The following GIGYF2 variants were observed in gnomAD, a reference collection of about 807,000 sequenced individuals.
GIGYF2 encodes GRB10-interacting GYF protein 2.
A neutral mutation model predicts 208.1 loss-of-function variants in GIGYF2; 25 were observed. The observed-to-expected ratio is 0.12, with a 90% CI of 0.09 to 0.17. GIGYF2 has a LOEUF of 0.17. Ranked by LOEUF, GIGYF2 falls within the 10% of genes least tolerant of loss-of-function variation. The probability of loss-of-function intolerance (pLI) is 1.00; values close to 1 mark genes in which losing one functional copy is unlikely to be tolerated. For synonymous variants in GIGYF2, 534 were observed against 543.8 expected, an observed-to-expected ratio of 0.98 and a Z score of 0.25; for missense variants, 1,302 against 1,579.4, an observed-to-expected ratio of 0.82 and a Z score of 2.98.
chr2:232,716,703 T>G (rs1263768590), intron 2 of GIGYF2, among the ~76,000 whole-genome samples: 1 of 152,094 alleles, frequency 6.6e-6, no homozygotes, highest in Non-Finnish European at 1.5e-5. Flanking sequence ...TTGTTTTGTT[T>G]TGTTTTTTCT....
chr2:232,817,113 A>G (rs1700939516), intron 20 of GIGYF2, 81 bp downstream of exon 20: 1 of 1,036,734 alleles, frequency 9.6e-7, no homozygotes, highest in Admixed American at 1.7e-5. Flanking sequence ...TTTCACAGAT[A>G]CTCCTGAAGT....
intron 8 of GIGYF2, among the ~76,000 whole-genome samples, chr2:232,780,783 A>G (rs1362133271): frequency 6.6e-6 from 1 of 152,342 alleles, no homozygotes; most frequent in East Asian, 1.9e-4. Flanking sequence ...CTGACGTTAC[A>G]GAAGGAGGAA....
At chr2:232,772,016 G>T (rs1699278462) in intron 8 of GIGYF2, among the ~76,000 whole-genome samples, 2 of 152,136 alleles carry the variant, frequency 1.3e-5, no homozygotes, top group Admixed American at 6.5e-5. Context: ...ACAGGGTCTT[G>T]CTCTGTCTCC....
chr2:232,708,759 G>T (rs7578299), intron 2 of GIGYF2, among the ~76,000 whole-genome samples: 48,539 of 150,808 alleles, frequency 0.32, 8,179 homozygotes, highest in South Asian at 0.63. Context: ...CTGCCTCCCA[G>T]GCTCAAGTGA....
intron 8 of GIGYF2, among the ~76,000 whole-genome samples, chr2:232,783,504 A>C (rs1307756789): frequency 6.6e-6 from 1 of 152,146 alleles, no homozygotes; most frequent in Non-Finnish European, 1.5e-5. Flanking sequence ...GTGGAGAATG[A>C]AGTAGCCTGA....
chr2:232,836,024 A>G (rs1701578244), intron 22 of GIGYF2, among the ~76,000 whole-genome samples: 1 of 151,676 alleles, frequency 6.6e-6, no homozygotes, highest in Admixed American at 6.6e-5. Context: ...TGGAACAGAA[A>G]ACAGATGCCA....
chr2:232,777,613 TC>T lies in GIGYF2; in HGVS notation c.533-9528del, dbSNP rs3214757. ...ATCCGCCTTTGTAGAATCCTCTCCG[TC>T]CCCCCCCCGCCCCACAATTTAAAAA... On this transcript the variant is annotated intron_variant, in intron 8 of 28. Transcript: ENST00000373563. Among the ~76,000 whole-genome samples, 366 of 131,676 alleles carry T rather than the reference TC, an allele frequency of 2.8e-3. 3 individuals carry two copies. Among genetic ancestry groups the T allele is most frequent in the African/African-American group, 8.3e-3 (288 of 34,492 alleles). 86.4% of individuals were successfully genotyped at this position (131,676 alleles called of 152,430 possible).
At chr2:232,802,317 C>T (rs1022317266) in intron 14 of GIGYF2, among the ~76,000 whole-genome samples, 2 of 151,882 alleles carry the variant, frequency 1.3e-5, no homozygotes, top group Admixed American at 1.3e-4. Context: ...AAGTGGGCGT[C>T]CTTCGCTATC....
chr2:232,843,126 G>A (rs1054400149), intron 23 of GIGYF2: 32 of 139,224 alleles, frequency 2.3e-4, no homozygotes, highest in African/African-American at 8.6e-4. Flanking sequence ...GTCCTCATGT[G>A]TTTATGCTGT....
At chr2:232,820,040 T>G in intron 21 of GIGYF2, 55 bp downstream of exon 21, 1 of 1,597,712 alleles carries the variant, frequency 6.3e-7, no homozygotes, top group South Asian at 1.1e-5. Flanking sequence ...AATTAGTGAT[T>G]TAGAAAATAT....
chr2:232,731,497 G>T (rs1697494768), intron 2 of GIGYF2, among the ~76,000 whole-genome samples: 1 of 152,190 alleles, frequency 6.6e-6, no homozygotes, highest in African/African-American at 2.4e-5. Context: ...CCTTCAGGAT[G>T]TTTAGTATTA....
At chr2:232,710,254 T>G (rs1257672375) in intron 2 of GIGYF2, among the ~76,000 whole-genome samples, 1 of 152,088 alleles carries the variant, frequency 6.6e-6, no homozygotes, top group Admixed American at 6.5e-5. Context: ...CCACCGCGCC[T>G]GGCCTAAAAA....
At chr2:232,781,743 G>A (rs572428227) in intron 8 of GIGYF2, among the ~76,000 whole-genome samples, 1 of 152,070 alleles carries the variant, frequency 6.6e-6, no homozygotes. Context: ...TCCCATTTCA[G>A]TTTCTCTAGA....
At position 232,711,705 on chromosome 2, in the gene GIGYF2, G is replaced by GTATATATATATATATATATATATATATA. The variant is rs55893272; in HGVS notation, c.-44+8238_-44+8239insTATATATATATATATATATATATATATA. On this transcript the variant is annotated intron_variant, in intron 2 of 28. Coordinates refer to ENST00000373563, the MANE Select transcript of GIGYF2 (RefSeq NM_001103146.3). ...GAAGGAAAATTATCCTCACAATGAT[G>GTATATATATATATATATATATATATATA]TATATATATATATATATATATAGTT... 4.2e-3 allele frequency among the ~76,000 whole-genome samples: 490 copies of GTATATATATATATATATATATATATATA among 115,476 alleles called. 25 individuals carry two copies. Among genetic ancestry groups the GTATATATATATATATATATATATATATA allele is most frequent in the Non-Finnish European group, 5.8e-3 (320 of 54,726 alleles). The allele number at this position is 115,476 out of a possible 152,430, so 75.8% of individuals were successfully genotyped here.
intron 21 of GIGYF2, among the ~76,000 whole-genome samples, chr2:232,821,615 A>T (rs1173752620): frequency 6.6e-6 from 1 of 152,208 alleles, no homozygotes; most frequent in African/African-American, 2.4e-5. Context: ...TGTTGTGCAT[A>T]CTTTCCTCCA....
At chr2:232,814,732 A>G (rs1700859315) in intron 18 of GIGYF2, among the ~76,000 whole-genome samples, 1 of 152,188 alleles carries the variant, frequency 6.6e-6, no homozygotes, top group African/African-American at 2.4e-5. Flanking sequence ...GGTCCCAAGC[A>G]TTTTGGATAA....
rs116520592 is a variant in GIGYF2, at chr2:232,747,675, G to T, written c.102G>T (p.Pro34=). Residue 34 remains proline, a synonymous_variant, in exon 4 of 29, where the codon CCG becomes CCT. Transcript: ENST00000373563. ...CCCCTCCTCTTTCTCCAGCATTGCC[G>T]AAGTATAAATTAGCAGATTATCGTT... The part of the protein sequence containing the change: ...ITSPPLSPAL[P]KYKLADYRYG... The T allele has an allele frequency of 6.2e-7, 1 of 1,613,510 alleles. No individual in the cohort carries two copies. The highest frequency in any genetic ancestry group is 1.3e-5 in the African/African-American group (1 of 74,874).
chr2:232,736,750 C>T (rs1158771812), intron 3 of GIGYF2: 2 of 152,100 alleles, frequency 1.3e-5, no homozygotes, highest in African/African-American at 2.4e-5. Flanking sequence ...GCAACTCATC[C>T]GCCTTTATCT....
chr2:232,706,690 T>C (rs1696127679), intron 2 of GIGYF2, among the ~76,000 whole-genome samples: 1 of 151,952 alleles, frequency 6.6e-6, no homozygotes. Context: ...AGACAGAACA[T>C]AATCTCTTGA....
Sources: gnomAD v4.1 joint callset for allele counts (sites outside exome capture counted in the v4.1 genomes callset) on GRCh38, gnomAD v4.1.1 for gene constraint, MANE v1.5 for transcripts, NCBI Gene and HGNC (gene_info 2026-07-23, HGNC 2026-07-21) for gene names.